TAF3: variants seen among roughly 807,000 people sequenced by gnomAD.
TAF3 encodes the protein transcription initiation factor TFIID subunit 3.
Under a neutral mutation model 80.6 loss-of-function variants are expected in TAF3, and 7 were observed. The observed-to-expected ratio is 0.09, with a 90% CI of 0.05 to 0.16. The LOEUF (loss-of-function observed/expected upper bound fraction) is 0.16. Among genes scored for constraint, TAF3 ranks in the 10% least tolerant of loss-of-function variants. TAF3 has a pLI of 1.00. For missense variants in TAF3, 921 were observed against 1,140.2 expected, an observed-to-expected ratio of 0.81 and a Z score of 2.77; for synonymous variants, 444 against 446.1, an observed-to-expected ratio of 1.00 and a Z score of 0.06.
intron 2 of TAF3, among the ~76,000 whole-genome samples, chr10:7,848,187 A>G (rs1416613179): frequency 3.3e-5 from 5 of 152,370 alleles, no homozygotes; most frequent in South Asian, 4.1e-4. Context: ...GGTACTAGCT[A>G]TTCTTCCTGA....
chr10:7,884,392 C>CTTTTTTTTTTTTTTT (rs61498355), intron 2 of TAF3, among the ~76,000 whole-genome samples: 14 of 120,508 alleles, frequency 1.2e-4, no homozygotes, highest in African/African-American at 3.4e-4. Flanking sequence ...GCTCTGCCTC[C>CTTTTTTTTTTTTTTT]TTTTTTTTTT....
At chr10:7,977,390 G>A in intron 4 of TAF3, 67 bp downstream of exon 4, 1 of 1,486,876 alleles carries the variant, frequency 6.7e-7, no homozygotes, top group Non-Finnish European at 9.3e-7. Context: ...CTTTCCTAAG[G>A]GACTTAGAAT....
intron 2 of TAF3, among the ~76,000 whole-genome samples, chr10:7,940,024 C>A (rs527423218): frequency 6.6e-6 from 1 of 151,952 alleles, no homozygotes; most frequent in African/African-American, 2.4e-5. Context: ...CACATTATTG[C>A]GAATTAGAGG....
intron 2 of TAF3, among the ~76,000 whole-genome samples, chr10:7,916,476 T>C (rs906586892): frequency 1.3e-5 from 2 of 152,234 alleles, no homozygotes; most frequent in African/African-American, 4.8e-5. Flanking sequence ...TATGTCAGTG[T>C]ATCTGCTAAT....
chr10:7,996,168 T>TG (rs1486722601), intron 4 of TAF3, among the ~76,000 whole-genome samples: 2 of 152,144 alleles, frequency 1.3e-5, no homozygotes, highest in African/African-American at 4.8e-5. Flanking sequence ...GTTGGGGATT[T>TG]GGGTGGTTCT....
intron 2 of TAF3, 66 bp downstream of exon 2, chr10:7,824,626 T>A (rs1836723742): frequency 6.6e-7 from 1 of 1,525,406 alleles, no homozygotes; most frequent in Non-Finnish European, 8.9e-7. Flanking sequence ...CTCTTAGCTT[T>A]CCATGCTATG....
At chr10:7,939,416 A>G (rs544521330) in intron 2 of TAF3, among the ~76,000 whole-genome samples, 50 of 152,298 alleles carry the variant, frequency 3.3e-4, no homozygotes, top group Non-Finnish European at 5.3e-4. Flanking sequence ...TTATCTTACA[A>G]TGTAGCCCGC....
chr10:7,989,147 C>T (rs971576347), intron 4 of TAF3, among the ~76,000 whole-genome samples: 1 of 152,210 alleles, frequency 6.6e-6, no homozygotes, highest in African/African-American at 2.4e-5. Flanking sequence ...CCAGAGCAAG[C>T]TCTCAGTGGG....
intron 4 of TAF3, among the ~76,000 whole-genome samples, chr10:7,987,309 C>A (rs537094384): frequency 6.6e-6 from 1 of 151,758 alleles, no homozygotes; most frequent in Admixed American, 6.6e-5. Context: ...GGAGTGAGAA[C>A]CTGTCTCAAA....
chr10:7,871,558 CT>C (rs1459281817), intron 2 of TAF3, among the ~76,000 whole-genome samples: 1 of 149,970 alleles, frequency 6.7e-6, no homozygotes, highest in African/African-American at 2.5e-5. Flanking sequence ...ATTCTGCTGC[CT>C]CAGCCTCACA....
In TAF3 at chr10:7,965,443, G is replaced by T; in HGVS notation, c.1933G>T (p.Asp645Tyr). 1 of 1,613,586 alleles carries T rather than the reference G, an allele frequency of 6.2e-7. No homozygotes were observed. The highest frequency in any genetic ancestry group is 8.5e-7 in the Non-Finnish European group (1 of 1,179,914). ...KEKVKDKGREDKMKAPAPPLV... is the reference protein window; with the variant it reads ...KEKVKDKGREYKMKAPAPPLV... The stretch of plus-strand genomic sequence containing the variant: ...AAAAGTGAAAGATAAAGGCAGAGAA[G>T]ATAAGATGAAAGCCCCAGCACCCCC... The change falls in exon 3 of 7, where the codon GAT becomes TAT. Residue 645 changes from aspartate (D) to tyrosine (Y), a missense_variant. Coordinates refer to ENST00000344293, the MANE Select transcript of TAF3 (RefSeq NM_031923.4).
At chr10:7,949,642 C>T (rs961218237) in intron 2 of TAF3, among the ~76,000 whole-genome samples, 3 of 152,186 alleles carry the variant, frequency 2.0e-5, no homozygotes, top group African/African-American at 7.2e-5. Flanking sequence ...TTCCGTTGAT[C>T]CTGAGATATC....
chr10:7,942,674 A>G (rs756900666), intron 2 of TAF3, among the ~76,000 whole-genome samples: 30 of 152,196 alleles, frequency 2.0e-4, no homozygotes, highest in Non-Finnish European at 3.7e-4. Context: ...ACAGATCCCA[A>G]GAAGCGCTGG....
intron 2 of TAF3, among the ~76,000 whole-genome samples, chr10:7,902,590 G>A (rs1380313474): frequency 2.6e-5 from 4 of 152,154 alleles, no homozygotes; most frequent in Admixed American, 2.6e-4. Flanking sequence ...ACATCAGGAG[G>A]CGTATAATGT....
chr10:7,947,419 G>A (rs1339099260), intron 2 of TAF3, among the ~76,000 whole-genome samples: 1 of 152,182 alleles, frequency 6.6e-6, no homozygotes, highest in Non-Finnish European at 1.5e-5. Flanking sequence ...GCATTTTGGT[G>A]AGGGAGACAA....
chr10:7,937,826 G>A (rs547968689), intron 2 of TAF3, among the ~76,000 whole-genome samples: 32 of 152,294 alleles, frequency 2.1e-4, no homozygotes, highest in Admixed American at 5.2e-4. Flanking sequence ...TAGAAAAGGG[G>A]TACTTTTTTT....
intron 2 of TAF3, among the ~76,000 whole-genome samples, chr10:7,865,456 G>A (rs896688548): frequency 6.6e-6 from 1 of 151,514 alleles, no homozygotes; most frequent in Admixed American, 6.6e-5. Context: ...TCCAGCCTGG[G>A]GGACAGAGTG....
chr10:7,847,998 G>C (rs1031070613), intron 2 of TAF3, among the ~76,000 whole-genome samples: 2 of 152,076 alleles, frequency 1.3e-5, no homozygotes, highest in Non-Finnish European at 2.9e-5. Flanking sequence ...GCAAACTCCT[G>C]ACCTCAGGTG....
At chr10:7,863,694 T>TATATATACACATATATATATACAC (rs1837176779) in intron 2 of TAF3, among the ~76,000 whole-genome samples, 1 of 34,614 alleles carries the variant, frequency 2.9e-5, no homozygotes, top group African/African-American at 1.1e-4. Flanking sequence ...TACACACACA[T>TATATATACACATATATATATACAC]ATATATATAT....
Sources: gnomAD v4.1 joint callset for allele counts (sites outside exome capture counted in the v4.1 genomes callset) on GRCh38, gnomAD v4.1.1 for gene constraint, MANE v1.5 for transcripts, NCBI Gene and HGNC (gene_info 2026-07-23, HGNC 2026-07-21) for gene names.